ARAP2: variants seen among roughly 807,000 people sequenced by gnomAD.
ARAP2 encodes the protein arf-GAP with Rho-GAP domain, ANK repeat and PH domain-containing protein 2.
A neutral mutation model predicts 194.5 loss-of-function variants in ARAP2; 148 were observed. The observed-to-expected ratio is 0.76, with a 90% CI of 0.67 to 0.87. The LOEUF (loss-of-function observed/expected upper bound fraction) is 0.87. ARAP2 is among the 40% of genes least tolerant of loss of function. ARAP2 has a pLI of 0.00. For synonymous variants in ARAP2, 695 were observed against 683.5 expected (o/e 1.02, Z -0.26); for missense variants, 2,128 against 1,989.7 (o/e 1.07, Z -1.32).
chr4:36,244,645 C>A (rs1021098527), upstream of ARAP2: 1 of 152,124 alleles, frequency 6.6e-6, no homozygotes, highest in Non-Finnish European at 1.5e-5. Flanking sequence ...GCGACTTGGC[C>A]GCGCCTGGCA....
intron 15 of ARAP2, among the ~76,000 whole-genome samples, chr4:36,154,111 T>C (rs1038579606): frequency 2.0e-5 from 3 of 152,140 alleles, no homozygotes; most frequent in East Asian, 1.9e-4. Context: ...TGTTATATGC[T>C]TGAACTATAT....
At chr4:36,176,707 C>T (rs1021223773) in intron 9 of ARAP2, among the ~76,000 whole-genome samples, 3 of 152,068 alleles carry the variant, frequency 2.0e-5, no homozygotes, top group African/African-American at 7.2e-5. Flanking sequence ...ATGCTAACTA[C>T]CCACATTATT....
At chr4:36,218,740 T>G (rs565161865) in intron 2 of ARAP2, among the ~76,000 whole-genome samples, 10 of 152,256 alleles carry the variant, frequency 6.6e-5, no homozygotes, top group African/African-American at 2.4e-4. Flanking sequence ...GATGAAGAAC[T>G]CTTATTCATT....
intron 1 of ARAP2, among the ~76,000 whole-genome samples, chr4:36,236,305 A>G (rs576952757): frequency 5.3e-5 from 8 of 152,184 alleles, no homozygotes; most frequent in Non-Finnish European, 1.2e-4. Flanking sequence ...GAGCTTTGTC[A>G]TAAATCCCCT....
In ARAP2 at chr4:36,147,758, A is replaced by C. The variant is rs567145268; in HGVS notation, c.3001-12T>G. On this transcript the variant is annotated splice_polypyrimidine_tract_variant and intron_variant, in intron 17 of 32. Transcript: ENST00000303965. ...AAGGGAACAAAATGCTGTTAAAACA[A>C]ATACAAAAAAGTAATAAAGACAGTG... 1.4e-5 allele frequency: 22 copies of C among 1,589,788 alleles called. No homozygotes were observed. The highest frequency in any genetic ancestry group is 1.8e-5 in the Non-Finnish European group (21 of 1,169,614).
At chr4:36,091,822 T>C (rs964728957) in intron 28 of ARAP2, 59 bp downstream of exon 28, 6 of 1,499,008 alleles carry the variant, frequency 4.0e-6, no homozygotes, top group African/African-American at 1.4e-5. Context: ...GACAGTAGCA[T>C]AAAATACAAA....
intron 6 of ARAP2, among the ~76,000 whole-genome samples, chr4:36,198,098 T>G (rs1054228248): frequency 6.6e-6 from 1 of 151,928 alleles, no homozygotes; most frequent in Admixed American, 6.6e-5. Flanking sequence ...AAGTGGAGGG[T>G]GAGCAAGGCG....
At chr4:36,074,540 A>C (rs990435433) in intron 31 of ARAP2, among the ~76,000 whole-genome samples, 2 of 152,082 alleles carry the variant, frequency 1.3e-5, no homozygotes, top group Non-Finnish European at 2.9e-5. Flanking sequence ...ACATATAAAA[A>C]ATTCTTTAAA....
intron 5 of ARAP2, among the ~76,000 whole-genome samples, chr4:36,212,046 C>T (rs1332312385): frequency 8.9e-5 from 1 of 11,276 alleles, no homozygotes; most frequent in Admixed American, 1.2e-3. Context: ...AAGTCTGCAA[C>T]TTGCATAGTG....
In ARAP2 at chr4:36,121,288, T is replaced by C. The variant is rs372748674; in HGVS notation, c.3785A>G (p.His1262Arg). The change falls in exon 23 of 33, where the codon CAT (histidine) becomes CGT (arginine). Residue 1262 changes from histidine (H) to arginine (R), a missense_variant. Physicochemically the swap from His to Arg is conservative, Grantham distance 29. Transcript: ENST00000303965. ...GGATGAAAAGACCAAGGCCAAATTA[T>C]GGGCATTCATGTGATTGATTTCTGA... ...KCSEINHMNA[H>R]NLALVFSSCL... is the part of the protein sequence containing the mutation. The C allele has an allele frequency of 3.1e-6, 5 of 1,603,346 alleles. No homozygotes were observed. Among genetic ancestry groups the C allele is most frequent in the Middle Eastern group, 1.7e-4 (1 of 6,018 alleles).
intron 28 of ARAP2, among the ~76,000 whole-genome samples, chr4:36,086,912 T>C (rs1156881829): frequency 2.6e-5 from 4 of 152,154 alleles, no homozygotes; most frequent in Admixed American, 6.6e-5. Context: ...CAGGGAAAAC[T>C]TGCAGAACAA....
At chr4:36,093,369 A>T (rs553897199) in intron 27 of ARAP2, among the ~76,000 whole-genome samples, 29 of 152,100 alleles carry the variant, frequency 1.9e-4, no homozygotes, top group East Asian at 7.7e-4. Context: ...TATTTTTTTT[A>T]AAAAAAGAAA....
intron 5 of ARAP2, among the ~76,000 whole-genome samples, chr4:36,029,393 C>T (rs1186256432): frequency 6.6e-6 from 1 of 151,918 alleles, no homozygotes; most frequent in Non-Finnish European, 1.5e-5. Context: ...TGGATTCCAC[C>T]TCAACTTGCA....
At chr4:36,148,537 C>A (rs1463088513) in intron 16 of ARAP2, 30 bp from the exon 17 acceptor site, 15 of 1,505,084 alleles carry the variant, frequency 1.0e-5, no homozygotes, top group Non-Finnish European at 1.4e-5. Context: ...AAAGATACTA[C>A]CAGTTATATT....
chr4:36,231,376 A>G (rs928985373), intron 1 of ARAP2, among the ~76,000 whole-genome samples: 2 of 152,042 alleles, frequency 1.3e-5, no homozygotes, highest in African/African-American at 4.8e-5. Context: ...ATTTTAAAAA[A>G]AGAAAAGTTA....
At chr4:36,180,239 T>TC (rs1053465879) in intron 8 of ARAP2, among the ~76,000 whole-genome samples, 4 of 151,852 alleles carry the variant, frequency 2.6e-5, no homozygotes, top group African/African-American at 9.7e-5. Context: ...GCCACTGCAC[T>TC]CCAGCCTGGG....
chr4:36,123,727 C>A (rs945068355), intron 22 of ARAP2, among the ~76,000 whole-genome samples: 6 of 151,800 alleles, frequency 4.0e-5, no homozygotes, highest in African/African-American at 1.4e-4. Context: ...TGATCTGTTA[C>A]TTCTTATCAC....
intron 9 of ARAP2, among the ~76,000 whole-genome samples, chr4:36,176,402 A>T (rs1737928897): frequency 6.6e-6 from 1 of 152,166 alleles, no homozygotes. Context: ...AGTGTTAATA[A>T]AACTTTTAAA....
intron 7 of ARAP2, 133 bp downstream of exon 7, chr4:36,193,445 A>G (rs1742393781): frequency 3.9e-6 from 2 of 516,582 alleles, no homozygotes; most frequent in African/African-American, 3.9e-5. Context: ...ATGGTAATAT[A>G]TTTATTAGTT....
Sources: allele counts gnomAD v4.1 joint callset (sites outside exome capture counted in the v4.1 genomes callset), GRCh38; gene constraint gnomAD v4.1.1; transcripts MANE v1.5; gene names NCBI Gene and HGNC (gene_info 2026-07-23, HGNC 2026-07-21).